ROBO1: variants seen among roughly 807,000 people sequenced by gnomAD.
The protein encoded by ROBO1 is roundabout homolog 1.
A neutral mutation model predicts 195.9 loss-of-function variants in ROBO1; 149 were observed. The observed-to-expected ratio is 0.76, with a 90% CI of 0.67 to 0.87. The LOEUF is 0.87. ROBO1 is among the 40% of genes least tolerant of loss of function. ROBO1 has a pLI of 0.00. For synonymous variants in ROBO1, 816 were observed against 733.2 expected (o/e 1.11, Z -1.82); for missense variants, 1,933 against 2,068.3 (o/e 0.93, Z 1.27).
intron 2 of ROBO1, among the ~76,000 whole-genome samples, chr3:79,386,331 TA>T (rs1312328602): frequency 6.6e-6 from 1 of 152,142 alleles, no homozygotes; most frequent in African/African-American, 2.4e-5. Context: ...ATGGGGAATT[TA>T]AAAACGGGGA....
At chr3:78,658,178 A>G (rs889361783) in intron 17 of ROBO1, among the ~76,000 whole-genome samples, 3 of 152,256 alleles carry the variant, frequency 2.0e-5, no homozygotes, top group Middle Eastern at 3.2e-3. Flanking sequence ...TTTCACTAAC[A>G]GATTCATCAG....
chr3:78,711,270 C>CCTTT (rs369944653), intron 8 of ROBO1, among the ~76,000 whole-genome samples: 1 of 150,460 alleles, frequency 6.6e-6, no homozygotes, highest in African/African-American at 2.4e-5. Context: ...TCTCTTTCTT[C>CCTTT]CTTTCTTTCT....
intron 3 of ROBO1, among the ~76,000 whole-genome samples, chr3:79,090,471 C>T (rs960443750): frequency 6.6e-6 from 1 of 151,480 alleles, no homozygotes; most frequent in Non-Finnish European, 1.5e-5. Flanking sequence ...CCCCCGCTTC[C>T]CTCCTGTTCC....
At chr3:79,078,614 A>C (rs1286996742) in intron 3 of ROBO1, among the ~76,000 whole-genome samples, 1 of 151,858 alleles carries the variant, frequency 6.6e-6, no homozygotes, top group Non-Finnish European at 1.5e-5. Context: ...CAATCATTAG[A>C]AAACATGGAT....
At chr3:79,523,287 T>C (rs1941287225) in intron 2 of ROBO1, among the ~76,000 whole-genome samples, 1 of 152,040 alleles carries the variant, frequency 6.6e-6, no homozygotes, top group Non-Finnish European at 1.5e-5. Context: ...CTATGTGAGG[T>C]AATGTATTTG....
chr3:78,841,516 G>A (rs964812220), intron 4 of ROBO1, among the ~76,000 whole-genome samples: 2 of 152,058 alleles, frequency 1.3e-5, no homozygotes, highest in African/African-American at 4.8e-5. Flanking sequence ...CAATTGACTC[G>A]ACCCAGTTAC....
rs1422514728 is a variant in ROBO1, at chr3:79,623,147, A to G, written c.-50-33186T>C. Among the ~76,000 whole-genome samples, 5 of 152,040 alleles carry G rather than the reference A, an allele frequency of 3.3e-5. 1 individual carries two copies. The East Asian group carries it at 7.7e-4, about 24-fold the overall frequency. On this transcript the variant is annotated intron_variant, in intron 1 of 30. Coordinates refer to ENST00000464233, the MANE Select transcript of ROBO1 (RefSeq NM_002941.4). ...AGTAACAATGGCATCAACAACAACA[A>G]CAACAACAACAACAACAAAACCTTC...
chr3:79,229,823 A>C (rs2082290333), intron 2 of ROBO1, among the ~76,000 whole-genome samples: 1 of 152,284 alleles, frequency 6.6e-6, no homozygotes, highest in East Asian at 1.9e-4. Flanking sequence ...AATTATATTT[A>C]TTTAAAATAT....
In ROBO1 at chr3:79,340,676, T is replaced by C. The variant is rs2034872599; in HGVS notation, c.89-215137A>G. On this transcript the variant is annotated intron_variant, in intron 2 of 30. Coordinates refer to ENST00000464233, the MANE Select transcript of ROBO1 (RefSeq NM_002941.4). ...CCACCCTTTACTGTGTCTCTCCTAT[T>C]TCTTAGGAGTTAGAAATAAAAAGAT... Among the ~76,000 whole-genome samples, 3 of 152,226 alleles carry C rather than the reference T, an allele frequency of 2.0e-5. No homozygotes were observed. In the South Asian group the frequency reaches 6.2e-4, roughly 32 times the overall value.
intron 2 of ROBO1, among the ~76,000 whole-genome samples, chr3:79,200,320 G>A (rs1231716436): frequency 6.6e-6 from 1 of 151,670 alleles, no homozygotes; most frequent in Non-Finnish European, 1.5e-5. Flanking sequence ...ACATAAAAAT[G>A]TATTTGCAAA....
intron 22 of ROBO1, among the ~76,000 whole-genome samples, chr3:78,637,965 G>T (rs1705628496): frequency 1.4e-5 from 2 of 142,588 alleles, no homozygotes; most frequent in Non-Finnish European, 1.5e-5. Flanking sequence ...TCCTATATTG[G>T]CAATATTGGG....
chr3:79,233,453 A>T (rs1179701001), intron 2 of ROBO1, among the ~76,000 whole-genome samples: 3 of 152,178 alleles, frequency 2.0e-5, no homozygotes, highest in Non-Finnish European at 4.4e-5. Flanking sequence ...GATAAAGCAT[A>T]TAAATAACCA....
intron 10 of ROBO1, among the ~76,000 whole-genome samples, chr3:78,682,475 CTG>C (rs944856852): frequency 1.5e-4 from 21 of 142,734 alleles, no homozygotes; most frequent in Admixed American, 2.8e-4. Context: ...ATATATATGA[CTG>C]TGTATATATG....
At chr3:79,498,602 C>T (rs542250319) in intron 2 of ROBO1, among the ~76,000 whole-genome samples, 1 of 152,152 alleles carries the variant, frequency 6.6e-6, no homozygotes, top group Non-Finnish European at 1.5e-5. Context: ...GCCTGTAATC[C>T]CAGCACTTTG....
At chr3:79,693,485 G>C (rs752955350) in intron 1 of ROBO1, among the ~76,000 whole-genome samples, 2 of 151,498 alleles carry the variant, frequency 1.3e-5, no homozygotes, top group Non-Finnish European at 2.9e-5. Flanking sequence ...AACCCAGGCT[G>C]GAGTTCAGTG....
intron 2 of ROBO1, among the ~76,000 whole-genome samples, chr3:79,544,862 T>G (rs1378288750): frequency 1.3e-5 from 2 of 152,086 alleles, no homozygotes; most frequent in African/African-American, 4.8e-5. Flanking sequence ...GTATTGTTAT[T>G]TGACATGAAC....
chr3:78,618,051 G>A lies in ROBO1; in HGVS notation c.3876-10C>T. ...ACTCACAGGCTGCCGTCTGTATGAAGATGAATAAATAGGTCTGGCTCAGCT... is the reference window on the plus strand; with the variant it reads ...ACTCACAGGCTGCCGTCTGTATGAAAATGAATAAATAGGTCTGGCTCAGCT... On this transcript the variant is annotated splice_polypyrimidine_tract_variant and intron_variant, in intron 26 of 30. Coordinates refer to ENST00000464233, the MANE Select transcript of ROBO1 (RefSeq NM_002941.4). 6.3e-7 allele frequency: 1 copy of A among 1,598,632 alleles called. No individual in the cohort carries two copies. Among genetic ancestry groups the A allele is most frequent in the East Asian group, 2.2e-5 (1 of 44,678 alleles).
intron 1 of ROBO1, among the ~76,000 whole-genome samples, chr3:79,601,707 T>C (rs998440257): frequency 1.3e-5 from 2 of 151,962 alleles, no homozygotes; most frequent in Non-Finnish European, 2.9e-5. Context: ...TCATGGTAGA[T>C]TAAAAAATAG....
At chr3:79,048,586 C>A (rs560447394) in intron 3 of ROBO1, among the ~76,000 whole-genome samples, 1 of 152,226 alleles carries the variant, frequency 6.6e-6, no homozygotes, top group South Asian at 2.1e-4. Context: ...TATTTCAAAT[C>A]CTTGACCACT....
Sources: gnomAD v4.1 joint callset for allele counts (sites outside exome capture counted in the v4.1 genomes callset) on GRCh38, gnomAD v4.1.1 for gene constraint, MANE v1.5 for transcripts, NCBI Gene and HGNC (gene_info 2026-07-23, HGNC 2026-07-21) for gene names.